Variants in DOCK7 observed in about 807,000 individuals in gnomAD.
The protein encoded by DOCK7 is dedicator of cytokinesis 7, also known as dedicator of cytokinesis protein 7.
Under a neutral mutation model 271.0 loss-of-function variants are expected in DOCK7, and 138 were observed. The ratio of observed to expected loss-of-function variants is 0.51; its 90% CI spans 0.44 to 0.59. The LOEUF is 0.59. DOCK7 is among the 20% of genes least tolerant of loss of function. The pLI, the probability that DOCK7 is intolerant of heterozygous loss-of-function variation, is 0.00. For synonymous variants in DOCK7, 823 were observed against 876.1 expected (o/e 0.94, Z 1.07); for missense variants, 2,066 against 2,592.4 (o/e 0.80, Z 4.41).
At chr1:62,484,527 T>C (rs1205524307) in intron 43 of DOCK7, 2 of 152,164 alleles carry the variant, frequency 1.3e-5, no homozygotes, top group Non-Finnish European at 2.9e-5. Flanking sequence ...TCTCACTCTG[T>C]CATCCAGGCT....
intron 35 of DOCK7, among the ~76,000 whole-genome samples, chr1:62,507,425 T>C (rs1336783525): frequency 3.9e-5 from 6 of 152,138 alleles, no homozygotes; most frequent in African/African-American, 4.8e-5. Context: ...ATGTCATGAG[T>C]TTCTTAGAAG....
intron 37 of DOCK7, among the ~76,000 whole-genome samples, chr1:62,502,334 G>T (rs1646806797): frequency 6.6e-6 from 1 of 152,242 alleles, no homozygotes; most frequent in East Asian, 1.9e-4. Context: ...CTGAGATCAA[G>T]CAATTGATTA....
rs749257607 is a variant in DOCK7 at position 62,597,874 on chromosome 1, C to A, written c.1683-11250G>T. ...GAAGAAAAGGAACTGAGAAGAACTACATATAAACTACAAGTCAAAAATGAA... is the reference window on the plus strand; with the variant it reads ...GAAGAAAAGGAACTGAGAAGAACTAAATATAAACTACAAGTCAAAAATGAA... On this transcript the variant is annotated intron_variant, in intron 14 of 49. Coordinates refer to ENST00000635253, the MANE Select transcript of DOCK7 (RefSeq NM_001367561.1). 3 of 1,584,856 alleles carry A rather than the reference C, an allele frequency of 1.9e-6. No homozygotes were observed. In the East Asian group the frequency reaches 6.7e-5, roughly 36 times the overall value.
intron 43 of DOCK7, chr1:62,482,579 T>A (rs1388140448): frequency 6.6e-6 from 1 of 152,286 alleles, no homozygotes; most frequent in Non-Finnish European, 1.5e-5. Flanking sequence ...CCTCCCAAAG[T>A]GCTGGGATTA....
chr1:62,501,362 G>A (rs1444260092), intron 37 of DOCK7, among the ~76,000 whole-genome samples: 1 of 151,954 alleles, frequency 6.6e-6, no homozygotes, highest in African/African-American at 2.4e-5. Context: ...ACACTAGGAG[G>A]GTGAGAAAGG....
intron 48 of DOCK7, among the ~76,000 whole-genome samples, chr1:62,473,038 G>T (rs1276593718): frequency 1.3e-5 from 2 of 152,116 alleles, no homozygotes; most frequent in African/African-American, 4.8e-5. Flanking sequence ...ACTTTACTTG[G>T]TATTCTTTCA....
chr1:62,537,795 C>A (rs1645394742), intron 28 of DOCK7, 96 bp downstream of exon 28: 2 of 1,113,224 alleles, frequency 1.8e-6, no homozygotes, highest in South Asian at 3.2e-5. Context: ...GCCTATCATA[C>A]AGCTGTTATT....
In DOCK7 at chr1:62,583,185, T is replaced by TTA; in HGVS notation, c.1869_1870insTA (p.Arg624Ter). On this transcript the variant is annotated frameshift_variant and splice_region_variant, in exon 16 of 50. Transcript: ENST00000635253. LOFTEE classifies it high-confidence loss of function. ...GAAAGAAATATTTGAATTCAGTACCTGTTATGATATACTACGGCTGTATAG... is the reference window on the plus strand; with the variant it reads ...GAAAGAAATATTTGAATTCAGTACCTTAGTTATGATATACTACGGCTGTATAG... 6.2e-7 allele frequency: 1 copy of TTA among 1,609,174 alleles called. No individual in the cohort carries two copies. Among genetic ancestry groups the TTA allele is most frequent in the Non-Finnish European group, 8.5e-7 (1 of 1,175,988 alleles).
At chr1:62,643,009 AAGGCCACAAG>A (rs66531495) in intron 7 of DOCK7, among the ~76,000 whole-genome samples, 63,232 of 151,738 alleles carry the variant, frequency 0.42, 14,839 homozygotes, top group African/African-American at 0.65. Context: ...GTTTTAATCC[AAGGCCACAAG>A]AGGTCTTACA....
intron 1 of DOCK7, among the ~76,000 whole-genome samples, chr1:62,664,636 T>C (rs1267794760): frequency 1.3e-5 from 2 of 152,164 alleles, no homozygotes; most frequent in Non-Finnish European, 2.9e-5. Flanking sequence ...TATTGGCTCA[T>C]CAATTATAAC....
At chr1:62,683,366 C>T (rs1661382515) in intron 1 of DOCK7, among the ~76,000 whole-genome samples, 1 of 152,154 alleles carries the variant, frequency 6.6e-6, no homozygotes, top group Non-Finnish European at 1.5e-5. Flanking sequence ...AAAGACTGGG[C>T]CCATCTGCCC....
rs149784619 is a variant in DOCK7 at position 62,495,359 on chromosome 1, A to G, written c.5024+222T>C. On this transcript the variant is annotated intron_variant, in intron 39 of 49. Coordinates refer to ENST00000635253, the MANE Select transcript of DOCK7 (RefSeq NM_001367561.1). ...GTAATCCCAGAACTTTGGGAGGCCA[A>G]GACAGGCAGATCTCTTGAGCCCAGG... 5.4e-4 allele frequency: 151 copies of G among 281,864 alleles called. 1 individual carries two copies. Among genetic ancestry groups the G allele is most frequent in the African/African-American group, 3.3e-3 (148 of 45,526 alleles). 17.5% of individuals were successfully genotyped at this position (281,864 alleles called of 1,614,324 possible).
chr1:62,514,661 T>A (rs1000621862), intron 31 of DOCK7, among the ~76,000 whole-genome samples: 1 of 152,092 alleles, frequency 6.6e-6, no homozygotes, highest in African/African-American at 2.4e-5. Context: ...ATAATAATAA[T>A]GATGATGGCA....
Position 62,529,443 on chromosome 1 carries a change from C to T in DOCK7, c.3615G>A (p.Leu1205=). 1 of 1,602,728 alleles carries T rather than the reference C, an allele frequency of 6.2e-7. No homozygotes were observed. The highest frequency in any genetic ancestry group is 2.2e-5 in the East Asian group (1 of 44,598). The change falls in exon 30 of 50, where the codon CTG becomes CTA. Residue 1205 remains leucine (L), a synonymous_variant. Coordinates refer to ENST00000635253, the MANE Select transcript of DOCK7 (RefSeq NM_001367561.1). ...TGATGACTTTCTTATGCAATCCAAA[C>T]AGTCTATTTAAAAAGAAGAAGACAA... ...AVILDPDAEG[L]FGLHKKVINM...
At chr1:62,561,725 G>A in intron 18 of DOCK7, 22 bp from the exon 19 acceptor site, 3 of 1,326,732 alleles carry the variant, frequency 2.3e-6, no homozygotes, top group African/African-American at 2.4e-5. Flanking sequence ...TAAATATAAT[G>A]ATCACAGATG....
chr1:62,470,079 GAAGAA>G (rs1645788490), intron 48 of DOCK7, among the ~76,000 whole-genome samples: 1 of 152,028 alleles, frequency 6.6e-6, no homozygotes, highest in African/African-American at 2.4e-5. Flanking sequence ...CAGTAAAATG[GAAGAA>G]AAGAAGTCAT....
intron 1 of DOCK7, among the ~76,000 whole-genome samples, chr1:62,676,824 A>G (rs1660594252): frequency 6.6e-6 from 1 of 152,240 alleles, no homozygotes; most frequent in Non-Finnish European, 1.5e-5. Context: ...CAGATGCAGA[A>G]GGAAAAAATG....
Position 62,577,347 on chromosome 1 carries a change from T to C in DOCK7, c.2027A>G (p.Gln676Arg), listed in dbSNP as rs765550287. 1 of 1,579,200 alleles carries C rather than the reference T, an allele frequency of 6.3e-7. No homozygotes were observed. Among genetic ancestry groups the C allele is most frequent in the South Asian group, 1.2e-5 (1 of 82,912 alleles). Reference sequence around the variant, plus strand: ...CTGGCCAGTCTTCAACCGTCCATTCTGAAGCATTGGTATCCACTTTTAAAT... The same window carrying C: ...CTGGCCAGTCTTCAACCGTCCATTCCGAAGCATTGGTATCCACTTTTAAAT... The part of the protein sequence containing the change: ...PVGYTWIPML[Q>R]NGRLKTGQFC... The change falls in exon 18 of 50, where the codon CAG becomes CGG. Residue 676 changes from glutamine to arginine, a missense_variant. Coordinates refer to ENST00000635253, the MANE Select transcript of DOCK7 (RefSeq NM_001367561.1).
chr1:62,679,182 A>G lies in DOCK7; in HGVS notation c.38+9045T>C, dbSNP rs527507062. Among the ~76,000 whole-genome samples the G allele has an allele frequency of 7.0e-4, 106 of 152,310 alleles. 1 individual carries two copies. The South Asian group carries it at 0.022, about 31-fold the overall frequency. ...AAACCTAAATAAAAAGGGGGTAACT[A>G]CAAATTCATGATAATATGGATGAAT... On this transcript the variant is annotated intron_variant, in intron 1 of 49. Transcript: ENST00000635253.
Sources: allele counts gnomAD v4.1 joint callset (sites outside exome capture counted in the v4.1 genomes callset), GRCh38; gene constraint gnomAD v4.1.1; transcripts MANE v1.5; gene names NCBI Gene and HGNC (gene_info 2026-07-23, HGNC 2026-07-21).